Variants in AUTS2 observed in about 807,000 individuals in gnomAD.
AUTS2 encodes the protein activator of transcription and developmental regulator AUTS2.
Under a neutral mutation model 112.4 loss-of-function variants are expected in AUTS2, and 17 were observed. That is an observed-to-expected ratio of 0.15 (90% CI 0.10 to 0.23). The LOEUF (loss-of-function observed/expected upper bound fraction) is 0.23. AUTS2 is among the 10% of genes least tolerant of loss of function. AUTS2 has a pLI of 1.00. For missense variants in AUTS2, 1,510 were observed against 1,701.6 expected (o/e 0.89, Z 1.98); for synonymous variants, 751 against 702.7 (o/e 1.07, Z -1.09).
intron 1 of AUTS2, among the ~76,000 whole-genome samples, chr7:69,764,130 T>G (rs1788312096): frequency 6.6e-6 from 1 of 152,230 alleles, no homozygotes; most frequent in Admixed American, 6.5e-5. Flanking sequence ...GGTCAGTTAC[T>G]CAAGGCTGTG....
At chr7:69,887,976 G>T (rs1379103342) in intron 1 of AUTS2, among the ~76,000 whole-genome samples, 10 of 152,046 alleles carry the variant, frequency 6.6e-5, no homozygotes, top group Non-Finnish European at 1.5e-4. Flanking sequence ...CCGGGATATG[G>T]ATGTGGTAAT....
At chr7:70,580,812 A>G (rs2129527104) in intron 5 of AUTS2, among the ~76,000 whole-genome samples, 1 of 152,342 alleles carries the variant, frequency 6.6e-6, no homozygotes, top group African/African-American at 2.4e-5. Flanking sequence ...AACAGATACG[A>G]CAGGATTTGC....
intron 5 of AUTS2, among the ~76,000 whole-genome samples, chr7:70,675,720 G>GT (rs1295845550): frequency 6.6e-6 from 1 of 152,150 alleles, no homozygotes; most frequent in Non-Finnish European, 1.5e-5. Flanking sequence ...ACTTGGCAGG[G>GT]ACAAAAGCAC....
chr7:69,900,431 A>G (rs1050343880), intron 2 of AUTS2, among the ~76,000 whole-genome samples: 2 of 152,208 alleles, frequency 1.3e-5, no homozygotes, highest in African/African-American at 4.8e-5. Flanking sequence ...AGGCAGGGAG[A>G]TCTGGGATCA....
chr7:69,784,117 G>C (rs1234283411), intron 1 of AUTS2, among the ~76,000 whole-genome samples: 2 of 152,158 alleles, frequency 1.3e-5, no homozygotes, highest in Non-Finnish European at 2.9e-5. Flanking sequence ...GTCTACACAG[G>C]CTTGGAAACA....
chr7:70,646,813 C>T (rs1806194568), intron 5 of AUTS2, among the ~76,000 whole-genome samples: 1 of 152,204 alleles, frequency 6.6e-6, no homozygotes, highest in Non-Finnish European at 1.5e-5. Context: ...CAGGGCTGGC[C>T]CAGAAGCTGG....
chr7:70,278,377 G>A (rs535952899), intron 4 of AUTS2, among the ~76,000 whole-genome samples: 1 of 152,192 alleles, frequency 6.6e-6, no homozygotes, highest in South Asian at 2.1e-4. Context: ...GAGCCCAGGA[G>A]TTTGAAGCCA....
chr7:70,243,909 T>C (rs1282458016), intron 4 of AUTS2, among the ~76,000 whole-genome samples: 1 of 151,918 alleles, frequency 6.6e-6, no homozygotes, highest in Non-Finnish European at 1.5e-5. Context: ...AGTAAGAGTA[T>C]GGGAGATACT....
intron 4 of AUTS2, among the ~76,000 whole-genome samples, chr7:70,390,920 T>C (rs1290797666): frequency 6.6e-6 from 1 of 152,206 alleles, no homozygotes; most frequent in Admixed American, 6.5e-5. Context: ...AGCCTGGGCC[T>C]TGGGGTGATT....
chr7:70,418,152 G>A (rs1284811197), intron 4 of AUTS2, among the ~76,000 whole-genome samples: 1 of 151,244 alleles, frequency 6.6e-6, no homozygotes, highest in Non-Finnish European at 1.5e-5. Flanking sequence ...TGCCCCAGCT[G>A]ATCTTGAACT....
chr7:70,659,060 G>A (rs556802600), intron 5 of AUTS2, among the ~76,000 whole-genome samples: 5 of 152,256 alleles, frequency 3.3e-5, no homozygotes, highest in South Asian at 2.1e-4. Flanking sequence ...ACTCCCTGGC[G>A]GGCCACGGGG....
At chr7:70,030,764 C>T (rs1253881915) in intron 2 of AUTS2, among the ~76,000 whole-genome samples, 1 of 152,134 alleles carries the variant, frequency 6.6e-6, no homozygotes, top group Non-Finnish European at 1.5e-5. Context: ...AGACTTAGAG[C>T]TTCTTGGTCT....
At chr7:70,227,833 A>G (rs952961599) in intron 4 of AUTS2, among the ~76,000 whole-genome samples, 3 of 152,074 alleles carry the variant, frequency 2.0e-5, no homozygotes, top group Non-Finnish European at 4.4e-5. Context: ...AAATTTATAG[A>G]TAGTTATGGC....
intron 2 of AUTS2, among the ~76,000 whole-genome samples, chr7:69,961,407 G>A (rs1014210761): frequency 6.6e-6 from 1 of 152,148 alleles, no homozygotes; most frequent in African/African-American, 2.4e-5. Context: ...GATTGTATCA[G>A]AGCTTACTTT....
intron 5 of AUTS2, among the ~76,000 whole-genome samples, chr7:70,546,703 C>G (rs146529355): frequency 1.3e-5 from 2 of 151,610 alleles, no homozygotes; most frequent in African/African-American, 4.8e-5. Context: ...GGCATGAACC[C>G]GGGAGGTGGA....
intron 1 of AUTS2, among the ~76,000 whole-genome samples, chr7:69,706,858 C>T (rs1005216596): frequency 2.0e-5 from 3 of 152,136 alleles, no homozygotes; most frequent in Non-Finnish European, 2.9e-5. Flanking sequence ...TACACTTCAC[C>T]TCATTTGGTT....
At chr7:70,396,347 G>A (rs1794081946) in intron 4 of AUTS2, among the ~76,000 whole-genome samples, 1 of 151,366 alleles carries the variant, frequency 6.6e-6, no homozygotes, top group African/African-American at 2.4e-5. Context: ...ATACTTTTTT[G>A]TGCTCTCACA....
intron 2 of AUTS2, among the ~76,000 whole-genome samples, chr7:69,962,714 ATG>A (rs528545629): frequency 2.2e-4 from 33 of 150,068 alleles, no homozygotes; most frequent in Non-Finnish European, 3.1e-4. Context: ...ATGTATGTGT[ATG>A]TGTGTGTGTG....
At chr7:69,677,154 G>A (rs4305786) in intron 1 of AUTS2, among the ~76,000 whole-genome samples, 14,817 of 152,100 alleles carry the variant, frequency 0.097, 1,141 homozygotes, top group African/African-American at 0.21. Context: ...GAGTCTCTGT[G>A]TACCATTCTT....
Sources: allele counts gnomAD v4.1 joint callset (sites outside exome capture counted in the v4.1 genomes callset), GRCh38; gene constraint gnomAD v4.1.1; transcripts MANE v1.5; gene names NCBI Gene and HGNC (gene_info 2026-07-23, HGNC 2026-07-21).